KCNIP4: variants seen among roughly 807,000 people sequenced by gnomAD.
KCNIP4 encodes the protein potassium voltage-gated channel interacting protein 4.
A neutral mutation model predicts 34.0 loss-of-function variants in KCNIP4; 12 were observed. The observed-to-expected ratio is 0.35, with a 90% CI of 0.23 to 0.57. The LOEUF is 0.57. Ranked by LOEUF, KCNIP4 falls within the 20% of genes least tolerant of loss-of-function variation. The probability of loss-of-function intolerance (pLI) is 0.83; values close to 1 mark genes in which losing one functional copy is unlikely to be tolerated. For missense variants in KCNIP4, 238 were observed against 311.7 expected, an observed-to-expected ratio of 0.76 and a Z score of 1.78; for synonymous variants, 124 against 102.2, an observed-to-expected ratio of 1.21 and a Z score of -1.29.
At position 21,793,419 on chromosome 4, in the gene KCNIP4, G is replaced by A. The variant is rs1212955913; in HGVS notation, c.61+155152C>T. On this transcript the variant is annotated intron_variant, in intron 1 of 8. Coordinates refer to ENST00000382152, the MANE Select transcript of KCNIP4 (RefSeq NM_025221.6). ...ATTACAGGTGTGTGCCACCATGCCCGGCTAATTTTTGTAATTTTTGTACAG... is the reference window on the plus strand; with the variant it reads ...ATTACAGGTGTGTGCCACCATGCCCAGCTAATTTTTGTAATTTTTGTACAG... 4.8e-5 allele frequency among the ~76,000 whole-genome samples: 7 copies of A among 145,148 alleles called. No individual in the cohort carries two copies. In the East Asian group the frequency reaches 5.8e-4, roughly 12 times the overall value.
chr4:21,639,097 C>A (rs113411444), intron 1 of KCNIP4, among the ~76,000 whole-genome samples: 1,530 of 152,158 alleles, frequency 0.01, 20 homozygotes, highest in African/African-American at 0.035. Context: ...AAGTTCTTGA[C>A]AGAACTATTG....
intron 1 of KCNIP4, among the ~76,000 whole-genome samples, chr4:21,798,343 GGAATTCAA>G (rs1720754450): frequency 6.7e-6 from 1 of 149,596 alleles, no homozygotes; most frequent in African/African-American, 2.4e-5. Context: ...CTTGAGCTCA[GGAATTCAA>G]GACCGGCCTG....
At chr4:21,090,884 A>C (rs1746936397) in intron 1 of KCNIP4, among the ~76,000 whole-genome samples, 1 of 152,228 alleles carries the variant, frequency 6.6e-6, no homozygotes, top group African/African-American at 2.4e-5. Context: ...TAAATTTACA[A>C]AGAATACAGA....
chr4:20,850,000 C>T (rs1031683276), intron 3 of KCNIP4, among the ~76,000 whole-genome samples: 31 of 152,302 alleles, frequency 2.0e-4, no homozygotes, highest in South Asian at 1.2e-3. Flanking sequence ...CTCTCATTCC[C>T]TTTTGAAGAT....
chr4:20,817,752 G>A (rs1368363762), intron 3 of KCNIP4, among the ~76,000 whole-genome samples: 1 of 149,304 alleles, frequency 6.7e-6, no homozygotes, highest in Non-Finnish European at 1.5e-5. Flanking sequence ...ATTAGATAAT[G>A]CAATTACTAT....
intron 1 of KCNIP4, among the ~76,000 whole-genome samples, chr4:21,858,266 C>T (rs958508680): frequency 5.9e-5 from 9 of 152,282 alleles, no homozygotes; most frequent in Middle Eastern, 3.4e-3. Context: ...GAAGTGACAC[C>T]CCAAGGATCT....
chr4:21,157,343 C>CT (rs34510333), intron 1 of KCNIP4, among the ~76,000 whole-genome samples: 51 of 149,800 alleles, frequency 3.4e-4, no homozygotes, highest in East Asian at 5.9e-4. Context: ...TCAATGTATT[C>CT]TTTTTTTTTT....
intron 1 of KCNIP4, among the ~76,000 whole-genome samples, chr4:21,421,414 T>C (rs1012648849): frequency 5.9e-5 from 9 of 152,206 alleles, no homozygotes; most frequent in East Asian, 1.9e-4. Flanking sequence ...ATGTGGTATA[T>C]ATACACAATG....
At chr4:21,118,161 G>T (rs1749845904) in intron 1 of KCNIP4, among the ~76,000 whole-genome samples, 1 of 152,090 alleles carries the variant, frequency 6.6e-6, no homozygotes, top group African/African-American at 2.4e-5. Context: ...TTATCAACTA[G>T]TTCTACCTAC....
chr4:21,614,730 T>C (rs949551807), intron 1 of KCNIP4, among the ~76,000 whole-genome samples: 11 of 151,772 alleles, frequency 7.2e-5, no homozygotes, highest in East Asian at 1.9e-4. Flanking sequence ...AATCTAAATA[T>C]ATATCATCTA....
intron 1 of KCNIP4, among the ~76,000 whole-genome samples, chr4:20,968,767 G>A (rs1310993252): frequency 1.3e-5 from 2 of 148,202 alleles, no homozygotes; most frequent in Non-Finnish European, 3.0e-5. Flanking sequence ...TCACACGCTG[G>A]GGCCTGTCAA....
At chr4:21,779,011 TGAGAGA>T (rs34076146) in intron 1 of KCNIP4, among the ~76,000 whole-genome samples, 3 of 147,802 alleles carry the variant, frequency 2.0e-5, no homozygotes, top group Admixed American at 1.4e-4. Flanking sequence ...TGTGTGGGCA[TGAGAGA>T]GAGAGAGAGA....
intron 1 of KCNIP4, among the ~76,000 whole-genome samples, chr4:21,840,593 C>T (rs1449055970): frequency 6.6e-6 from 1 of 152,150 alleles, no homozygotes; most frequent in African/African-American, 2.4e-5. Flanking sequence ...CTTTGAGAAG[C>T]TATCCACGCC....
At chr4:20,833,145 T>G (rs1718628221) in intron 3 of KCNIP4, among the ~76,000 whole-genome samples, 1 of 152,246 alleles carries the variant, frequency 6.6e-6, no homozygotes, top group East Asian at 1.9e-4. Flanking sequence ...TTGGCAGTGA[T>G]ATGACCTATT....
intron 1 of KCNIP4, among the ~76,000 whole-genome samples, chr4:21,398,258 C>T (rs1723174714): frequency 6.6e-6 from 1 of 152,154 alleles, no homozygotes; most frequent in Admixed American, 6.5e-5. Context: ...GAAGAGGAGA[C>T]GTTGCCTTTC....
intron 1 of KCNIP4, among the ~76,000 whole-genome samples, chr4:21,433,124 G>C (rs1215532585): frequency 1.3e-5 from 2 of 152,150 alleles, no homozygotes; most frequent in Admixed American, 1.3e-4. Flanking sequence ...CTTATAGTAG[G>C]TGGAGTATAA....
At chr4:20,864,112 A>G (rs1304614447) in intron 2 of KCNIP4, among the ~76,000 whole-genome samples, 5,348 of 136,748 alleles carry the variant, frequency 0.039, 265 homozygotes, top group Non-Finnish European at 0.06. Flanking sequence ...ATGTATGTAT[A>G]CATATCCATG....
chr4:21,541,772 G>C (rs1737715976), intron 1 of KCNIP4, among the ~76,000 whole-genome samples: 1 of 151,918 alleles, frequency 6.6e-6, no homozygotes, highest in Admixed American at 6.6e-5. Context: ...CTCCTGGGTA[G>C]CTAGGAACAC....
intron 1 of KCNIP4, among the ~76,000 whole-genome samples, chr4:21,349,111 A>G (rs535727731): frequency 3.9e-5 from 6 of 152,318 alleles, no homozygotes; most frequent in Admixed American, 3.9e-4. Flanking sequence ...ACCATTTAGT[A>G]ATTTATAAAT....
Sources: gnomAD v4.1 joint callset for allele counts (sites outside exome capture counted in the v4.1 genomes callset) on GRCh38, gnomAD v4.1.1 for gene constraint, MANE v1.5 for transcripts, NCBI Gene and HGNC (gene_info 2026-07-23, HGNC 2026-07-21) for gene names.